Variants in WDR25 observed in about 807,000 individuals in gnomAD.
The protein encoded by WDR25 is WD repeat domain 25.
In WDR25, 35 loss-of-function variants were observed where a neutral mutation model predicts 47.7. The ratio of observed to expected loss-of-function variants is 0.73; its 90% CI spans 0.56 to 0.97. The LOEUF is 0.97. Ranked by LOEUF, WDR25 falls within the 50% of genes least tolerant of loss-of-function variation. The probability of loss-of-function intolerance (pLI) is 0.00; values close to 1 mark genes in which losing one functional copy is unlikely to be tolerated. For missense variants in WDR25, 634 were observed against 704.7 expected, an observed-to-expected ratio of 0.90 and a Z score of 1.14; for synonymous variants, 248 against 278.9, an observed-to-expected ratio of 0.89 and a Z score of 1.10.
chr14:100,381,023 C>T lies in WDR25; in HGVS notation c.99C>T (p.Thr33=), dbSNP rs761720414. The change falls in exon 2 of 7, where the codon ACC becomes ACT. Residue 33 remains threonine (T), a synonymous_variant. Transcript: ENST00000402312. ...ETEHAGSFNA[T]GQQKDTSGVA... ...AGCATGCAGGAAGTTTTAATGCTAC[C>T]GGCCAGCAGAAAGACACTTCTGGTG... 7.1e-5 allele frequency: 115 copies of T among 1,614,084 alleles called. No homozygotes were observed. Among genetic ancestry groups the T allele is most frequent in the Middle Eastern group, 3.3e-4 (2 of 6,084 alleles).
chr14:100,409,385 G>C (rs77914310), intron 2 of WDR25, among the ~76,000 whole-genome samples: 1,969 of 152,156 alleles, frequency 0.013, 46 homozygotes, highest in African/African-American at 0.045. Context: ...TAACTTTAAT[G>C]CCATTGTCAC....
At chr14:100,427,576 G>A (rs949671612) in intron 2 of WDR25, among the ~76,000 whole-genome samples, 2 of 152,240 alleles carry the variant, frequency 1.3e-5, no homozygotes, top group East Asian at 1.9e-4. Flanking sequence ...CTAATGGCAG[G>A]TGTCCAGGCA....
intron 1 of WDR25, 128 bp from the exon 2 acceptor site, chr14:100,380,782 C>G: frequency 1.1e-6 from 1 of 891,068 alleles, no homozygotes; most frequent in Non-Finnish European, 1.7e-6. Context: ...GCGTGAGCCA[C>G]CACGCCTGGC....
chr14:100,494,708 T>C (rs866584805), intron 4 of WDR25, among the ~76,000 whole-genome samples: 1 of 152,256 alleles, frequency 6.6e-6, no homozygotes, highest in African/African-American at 2.4e-5. Context: ...GGGTGTTTTC[T>C]TCCTCCACAT....
At chr14:100,437,745 C>T (rs1355932378) in intron 2 of WDR25, among the ~76,000 whole-genome samples, 1 of 152,168 alleles carries the variant, frequency 6.6e-6, no homozygotes, top group Non-Finnish European at 1.5e-5. Flanking sequence ...CCCTCTACCT[C>T]TCCAACCCTA....
intron 4 of WDR25, among the ~76,000 whole-genome samples, chr14:100,496,892 G>A (rs1440813730): frequency 3.2e-5 from 4 of 123,618 alleles, no homozygotes; most frequent in South Asian, 2.7e-4. Context: ...CTGGAGTGTA[G>A]TGGTATGATT....
intron 4 of WDR25, among the ~76,000 whole-genome samples, chr14:100,510,302 G>A (rs528490772): frequency 3.6e-4 from 54 of 151,716 alleles, no homozygotes; most frequent in Non-Finnish European, 6.2e-4. Flanking sequence ...TAGAGACAAG[G>A]GTTTCACTGT....
intron 4 of WDR25, among the ~76,000 whole-genome samples, chr14:100,493,620 C>T (rs1250172621): frequency 1.3e-5 from 2 of 152,072 alleles, no homozygotes; most frequent in Non-Finnish European, 1.5e-5. Flanking sequence ...GATGGTGAAC[C>T]CACAGTGACA....
chr14:100,434,135 T>C (rs1474473315), intron 2 of WDR25, among the ~76,000 whole-genome samples: 3 of 152,180 alleles, frequency 2.0e-5, no homozygotes, highest in South Asian at 2.1e-4. Context: ...GATGTGCTCA[T>C]TGCTTCATTG....
chr14:100,456,994 G>A (rs1268520610), intron 2 of WDR25, among the ~76,000 whole-genome samples: 1 of 152,004 alleles, frequency 6.6e-6, no homozygotes, highest in Non-Finnish European at 1.5e-5. Flanking sequence ...GTCGCACTCT[G>A]TCTCCCAGGC....
At chr14:100,473,400 T>C (rs1462187783) in intron 3 of WDR25, among the ~76,000 whole-genome samples, 2 of 152,138 alleles carry the variant, frequency 1.3e-5, no homozygotes, top group African/African-American at 2.4e-5. Flanking sequence ...TGAGGTATGG[T>C]GTGGCATGCC....
Position 100,394,830 on chromosome 14 carries a change from A to T in WDR25, c.822+13084A>T, listed in dbSNP as rs1897221225. Among the ~76,000 whole-genome samples the T allele has an allele frequency of 2.0e-5, 3 of 152,160 alleles. No homozygotes were observed. The South Asian group carries it at 6.2e-4, about 31-fold the overall frequency. ...GGGAGGCCTATCTCCACAAAAAATT[A>T]AAAAATTGGCTGGGTGTGGTGGCAC... On this transcript the variant is annotated intron_variant, in intron 2 of 6. Transcript: ENST00000402312.
At chr14:100,464,048 T>G (rs938340659) in intron 2 of WDR25, among the ~76,000 whole-genome samples, 2 of 151,984 alleles carry the variant, frequency 1.3e-5, no homozygotes, top group Non-Finnish European at 2.9e-5. Flanking sequence ...CAGCCCTCAT[T>G]CCCCTCCGTT....
chr14:100,490,320 C>T (rs1056651213), intron 4 of WDR25, among the ~76,000 whole-genome samples: 7 of 152,354 alleles, frequency 4.6e-5, no homozygotes, highest in African/African-American at 7.2e-5. Flanking sequence ...CGCAAACTGT[C>T]GCATGAATGA....
intron 3 of WDR25, among the ~76,000 whole-genome samples, chr14:100,475,885 A>AAT (rs558268005): frequency 0.092 from 13,853 of 150,598 alleles, 1,440 homozygotes; most frequent in African/African-American, 0.26. Context: ...TGTACCCCCA[A>AAT]ATATATATAT....
At chr14:100,426,049 G>A (rs768849857) in intron 2 of WDR25, among the ~76,000 whole-genome samples, 13 of 152,198 alleles carry the variant, frequency 8.5e-5, no homozygotes, top group South Asian at 2.1e-4. Flanking sequence ...TTCACATGGG[G>A]TAGTTTAAAA....
At chr14:100,522,779 C>T (rs1356837754) in intron 4 of WDR25, among the ~76,000 whole-genome samples, 1 of 152,232 alleles carries the variant, frequency 6.6e-6, no homozygotes, top group Non-Finnish European at 1.5e-5. Context: ...GCTCAGGTCC[C>T]CAGGGTGTCT....
intron 4 of WDR25, among the ~76,000 whole-genome samples, chr14:100,524,024 A>G (rs1338321612): frequency 1.3e-5 from 2 of 152,144 alleles, no homozygotes; most frequent in Non-Finnish European, 2.9e-5. Context: ...TTGCAGCCAC[A>G]TTATTGGCAG....
At chr14:100,507,850 GAAT>G (rs1566941747) in intron 4 of WDR25, among the ~76,000 whole-genome samples, 2 of 151,888 alleles carry the variant, frequency 1.3e-5, no homozygotes, top group Admixed American at 6.6e-5. Context: ...TCTAAATATT[GAAT>G]AATATCATCT....
Sources: allele counts gnomAD v4.1 joint callset (sites outside exome capture counted in the v4.1 genomes callset), GRCh38; gene constraint gnomAD v4.1.1; transcripts MANE v1.5; gene names NCBI Gene and HGNC (gene_info 2026-07-23, HGNC 2026-07-21).